Variants in CCDC146 observed in about 807,000 individuals in gnomAD.
CCDC146 encodes the protein coiled-coil domain containing 146.
In CCDC146, 92 loss-of-function variants were observed where a neutral mutation model predicts 119.3. That is an observed-to-expected ratio of 0.77 (90% confidence interval 0.65 to 0.92). The LOEUF (loss-of-function observed/expected upper bound fraction) is 0.92, where lower values mean the gene tolerates loss of function less well. Among genes scored for constraint, CCDC146 ranks in the 40% least tolerant of loss-of-function variants. The pLI, the probability that CCDC146 is intolerant of heterozygous loss-of-function variation, is 0.00. For missense variants in CCDC146, 1,000 were observed against 1,103.0 expected, an observed-to-expected ratio of 0.91 and a Z score of 1.32; for synonymous variants, 372 against 371.8, an observed-to-expected ratio of 1.00 and a Z score of -0.01.
At chr7:77,226,950 A>G (rs755639420) in intron 2 of CCDC146, among the ~76,000 whole-genome samples, 2 of 152,210 alleles carry the variant, frequency 1.3e-5, no homozygotes, top group Non-Finnish European at 2.9e-5. Flanking sequence ...ATGAATGTTG[A>G]CGTCTAGATT....
chr7:77,254,475 C>T (rs748347734), intron 4 of CCDC146, 31 bp from the exon 5 acceptor site: 3 of 1,249,266 alleles, frequency 2.4e-6, no homozygotes, highest in Admixed American at 2.0e-5. Flanking sequence ...TTTCTTTGTA[C>T]TTTTTCAAAC....
At position 77,196,079 on chromosome 7, in the gene CCDC146, G is replaced by A. The variant is rs954096356; in HGVS notation, c.156+28255G>A. ...TGCTAATTGCTTGCAAGTGTTCATT[G>A]GATAACAGCATAACAACAAAGGACT... On this transcript the variant is annotated intron_variant, in intron 2 of 18. Transcript: ENST00000285871. The surrounding 1 kb of genome is among the most constrained non-coding windows in gnomAD (Gnocchi z 4.2). The A allele has an allele frequency of 2.3e-5, 12 of 521,816 alleles. No homozygotes were observed. Among genetic ancestry groups the A allele is most frequent in the African/African-American group, 2.1e-4 (11 of 52,744 alleles). The allele number at this position is 521,816 out of a possible 1,614,324, so 32.3% of individuals were successfully genotyped here.
rs1476163889 is a variant in CCDC146, at chr7:77,293,216, T to G, written c.2664+16T>G. 1 of 1,611,228 alleles carries G rather than the reference T, an allele frequency of 6.2e-7. No homozygotes were observed. Among genetic ancestry groups the G allele is most frequent in the Non-Finnish European group, 8.5e-7 (1 of 1,179,106 alleles). ...AAAGTCTCAGGTAGGCTTTGGCTCC[T>G]GTATTGCATTTCTAAAGGGTGCCAG... On this transcript the variant is annotated intron_variant, in intron 18 of 18. Transcript: ENST00000285871.
At chr7:77,187,164 C>T (rs1398240864) in intron 2 of CCDC146, among the ~76,000 whole-genome samples, 2 of 152,104 alleles carry the variant, frequency 1.3e-5, no homozygotes, top group Admixed American at 6.6e-5. Flanking sequence ...ATTGATGTTA[C>T]CATCACTATA....
At chr7:77,229,204 T>G (rs561138909) in intron 2 of CCDC146, among the ~76,000 whole-genome samples, 2 of 152,372 alleles carry the variant, frequency 1.3e-5, no homozygotes, top group Non-Finnish European at 2.9e-5. Flanking sequence ...TTACATTCCT[T>G]ATAGATGCTG....
At position 77,238,502 on chromosome 7, in the gene CCDC146, C is replaced by T. The variant is rs980037480; in HGVS notation, c.239+1473C>T. 5.9e-5 allele frequency among the ~76,000 whole-genome samples: 9 copies of T among 152,006 alleles called. No homozygotes were observed. In the South Asian group the frequency reaches 6.2e-4, roughly 11 times the overall value. ...CCTGGTCTTGGCTCACTGCAAGCTC[C>T]GCCTCCCAGGTTCACGCCATTCTCC... On this transcript the variant is annotated intron_variant, in intron 3 of 18. Transcript: ENST00000285871.
At chr7:77,172,449 G>A (rs1584040748) in intron 2 of CCDC146, among the ~76,000 whole-genome samples, 2 of 152,316 alleles carry the variant, frequency 1.3e-5, no homozygotes, top group Middle Eastern at 3.4e-3. Flanking sequence ...GCTTGGCATA[G>A]CATTGGAAAA....
chr7:77,227,323 T>C (rs1720515765), intron 2 of CCDC146, among the ~76,000 whole-genome samples: 1 of 152,220 alleles, frequency 6.6e-6, no homozygotes, highest in East Asian at 1.9e-4. Context: ...GTTTGTTTTC[T>C]GAGACGGAGT....
In CCDC146 at chr7:77,241,732, G is replaced by A. The variant is rs201471253; in HGVS notation, c.281G>A (p.Arg94His). Residue 94 changes from arginine (R) to histidine (H), a missense_variant, in exon 4 of 19, where the codon CGT (arginine) becomes CAT (histidine). By Grantham distance (29) the Arg-to-His change is conservative. Transcript: ENST00000285871. Reference protein sequence around the residue: ...SEVQLLQNAKRFTEQIQQQQF... With the variant: ...SEVQLLQNAKHFTEQIQQQQF... Reference sequence around the variant, plus strand: ...GTCCAACTGCTACAGAATGCCAAACGTTTCACTGAGCAAATACAACAGCAG... The same window carrying A: ...GTCCAACTGCTACAGAATGCCAAACATTTCACTGAGCAAATACAACAGCAG... The A allele has an allele frequency of 5.6e-6, 9 of 1,613,938 alleles. No homozygotes were observed. Among genetic ancestry groups the A allele is most frequent in the East Asian group, 2.2e-5 (1 of 44,866 alleles).
intron 2 of CCDC146, among the ~76,000 whole-genome samples, chr7:77,233,315 C>T (rs756806425): frequency 6.6e-6 from 1 of 152,042 alleles, no homozygotes; most frequent in South Asian, 2.1e-4. Flanking sequence ...TGGTCTCAAA[C>T]TCCCGACCTC....
chr7:77,234,626 T>C (rs1302984783), intron 2 of CCDC146, among the ~76,000 whole-genome samples: 2 of 151,818 alleles, frequency 1.3e-5, no homozygotes, highest in African/African-American at 4.8e-5. Context: ...TCCCACCTAA[T>C]TGGGAGGCTG....
At chr7:77,163,875 T>C (rs1791301639) in intron 1 of CCDC146, among the ~76,000 whole-genome samples, 1 of 149,040 alleles carries the variant, frequency 6.7e-6, no homozygotes, top group Admixed American at 6.7e-5. Context: ...TTTTTTTTTT[T>C]TTGAGACAGA....
At chr7:77,213,375 G>A (rs963158800) in intron 2 of CCDC146, among the ~76,000 whole-genome samples, 4 of 151,986 alleles carry the variant, frequency 2.6e-5, no homozygotes, top group Non-Finnish European at 4.4e-5. Context: ...TTACAGACAT[G>A]AGCCACCTTG....
At chr7:77,276,725 A>C (rs1407841336) in intron 11 of CCDC146, among the ~76,000 whole-genome samples, 1 of 152,146 alleles carries the variant, frequency 6.6e-6, no homozygotes, top group Non-Finnish European at 1.5e-5. Flanking sequence ...AGGGTGGCTA[A>C]GCGGGTAAGA....
intron 2 of CCDC146, among the ~76,000 whole-genome samples, chr7:77,180,869 T>C (rs1339973574): frequency 6.6e-6 from 1 of 152,228 alleles, no homozygotes; most frequent in African/African-American, 2.4e-5. Flanking sequence ...TCTGTACTCA[T>C]ACCAACACTG....
At chr7:77,130,836 A>T (rs1289147643) in intron 1 of CCDC146, among the ~76,000 whole-genome samples, 2 of 147,664 alleles carry the variant, frequency 1.4e-5, no homozygotes, top group Admixed American at 6.7e-5. Context: ...TGACCTCGTG[A>T]TCCGCCCGTC....
chr7:77,146,266 G>A (rs1368076036), intron 1 of CCDC146, among the ~76,000 whole-genome samples: 2 of 152,010 alleles, frequency 1.3e-5, no homozygotes, highest in African/African-American at 2.4e-5. Flanking sequence ...CCAATTGCTT[G>A]GTAGATCTTC....
At chr7:77,172,293 C>T (rs1192652793) in intron 2 of CCDC146, among the ~76,000 whole-genome samples, 1 of 152,196 alleles carries the variant, frequency 6.6e-6, no homozygotes, top group Non-Finnish European at 1.5e-5. Context: ...GTATAACCTA[C>T]TTTATATTCC....
At chr7:77,286,982 A>G (rs1433901453) in intron 16 of CCDC146, 56 bp downstream of exon 16, 1 of 1,582,336 alleles carries the variant, frequency 6.3e-7, no homozygotes, top group Non-Finnish European at 8.7e-7. Flanking sequence ...GTAGTTTCAC[A>G]GATACCTATG....
Sources: allele counts gnomAD v4.1 joint callset (sites outside exome capture counted in the v4.1 genomes callset), GRCh38; gene constraint gnomAD v4.1.1; non-coding constraint Gnocchi (gnomAD v3.1); transcripts MANE v1.5; gene names NCBI Gene and HGNC (gene_info 2026-07-23, HGNC 2026-07-21).